Variants in GUCY1A2 observed in about 807,000 individuals in gnomAD.
GUCY1A2 encodes guanylate cyclase soluble subunit alpha-2.
A neutral mutation model predicts 63.5 loss-of-function variants in GUCY1A2; 27 were observed. That is an observed-to-expected ratio of 0.43 (90% CI 0.31 to 0.59). The LOEUF is 0.59. Among genes scored for constraint, GUCY1A2 ranks in the 20% least tolerant of loss-of-function variants. The probability of loss-of-function intolerance (pLI) is 0.11; values close to 1 mark genes in which losing one functional copy is unlikely to be tolerated. For missense variants in GUCY1A2, 768 were observed against 913.3 expected (o/e 0.84, Z 2.05); for synonymous variants, 364 against 343.5 (o/e 1.06, Z -0.66).
intron 5 of GUCY1A2, among the ~76,000 whole-genome samples, chr11:106,783,632 A>G (rs1019813479): frequency 1.3e-5 from 2 of 152,208 alleles, no homozygotes; most frequent in Non-Finnish European, 2.9e-5. Context: ...GATCCTTGCC[A>G]TGTGACTGGA....
chr11:106,681,699 A>G lies in GUCY1A2; in HGVS notation c.*5850T>C, dbSNP rs1862437028. ...TAATGAGTATCTTTAAAAAGTCCACACCAGCTATATTATTGCTTGTATAAA... is the reference window on the plus strand; with the variant it reads ...TAATGAGTATCTTTAAAAAGTCCACGCCAGCTATATTATTGCTTGTATAAA... On this transcript the variant is annotated 3_prime_UTR_variant, in exon 8 of 8. Transcript: ENST00000526355. The G allele has an allele frequency of 4.5e-6, 1 of 220,734 alleles. No individual in the cohort carries two copies. The highest frequency in any genetic ancestry group is 2.2e-5 in the African/African-American group (1 of 44,648). The allele number at this position is 220,734 out of a possible 1,614,324, so 13.7% of individuals were successfully genotyped here. A position where few individuals can be genotyped will look rare whatever the true frequency, so the allele number is the denominator to read the frequency against.
chr11:106,763,270 A>T (rs535430093), intron 6 of GUCY1A2, among the ~76,000 whole-genome samples: 1 of 152,118 alleles, frequency 6.6e-6, no homozygotes, highest in South Asian at 2.1e-4. Flanking sequence ...TTCTTAGGTA[A>T]TTCATGGAAA....
At chr11:106,716,768 C>CAAAAAAAA (rs56999589) in intron 6 of GUCY1A2, among the ~76,000 whole-genome samples, 1 of 55,300 alleles carries the variant, frequency 1.8e-5, no homozygotes, top group Admixed American at 2.7e-4. Flanking sequence ...GACTCCGTCT[C>CAAAAAAAA]AAAAAAAAAA....
intron 4 of GUCY1A2, among the ~76,000 whole-genome samples, chr11:106,823,766 G>A (rs1159106413): frequency 2.0e-5 from 3 of 152,082 alleles, no homozygotes; most frequent in African/African-American, 7.2e-5. Flanking sequence ...CATTCTGACT[G>A]GTGTATGATG....
chr11:106,836,441 GTC>G (rs1221847364), intron 4 of GUCY1A2, among the ~76,000 whole-genome samples: 3 of 151,820 alleles, frequency 2.0e-5, no homozygotes, highest in Non-Finnish European at 2.9e-5. Context: ...AAGATGAATC[GTC>G]TGTCTGAAAT....
At chr11:106,769,537 T>C (rs1457147201) in intron 6 of GUCY1A2, among the ~76,000 whole-genome samples, 1 of 152,144 alleles carries the variant, frequency 6.6e-6, no homozygotes, top group African/African-American at 2.4e-5. Flanking sequence ...ATATTAATAC[T>C]TTAAATAAAT....
chr11:106,889,397 T>C (rs903888905), intron 4 of GUCY1A2, among the ~76,000 whole-genome samples: 6 of 152,126 alleles, frequency 3.9e-5, no homozygotes, highest in African/African-American at 1.4e-4. Flanking sequence ...CTCATAAACT[T>C]CTGAAGAGAC....
At chr11:106,791,931 T>G (rs1205758911) in intron 5 of GUCY1A2, among the ~76,000 whole-genome samples, 1 of 152,042 alleles carries the variant, frequency 6.6e-6, no homozygotes, top group East Asian at 1.9e-4. Context: ...GAGGGACTCC[T>G]CCCTAACTCA....
At chr11:106,886,425 C>A (rs1006246478) in intron 4 of GUCY1A2, among the ~76,000 whole-genome samples, 12 of 152,050 alleles carry the variant, frequency 7.9e-5, no homozygotes, top group Admixed American at 2.6e-4. Context: ...CTACATATTT[C>A]TTTCTCATGA....
chr11:106,752,600 G>C (rs1863901577), intron 6 of GUCY1A2, among the ~76,000 whole-genome samples: 2 of 152,038 alleles, frequency 1.3e-5, no homozygotes, highest in African/African-American at 4.8e-5. Flanking sequence ...TTATGAGTGA[G>C]AATATGCAGT....
At chr11:106,716,768 C>CAAAAAAAAA (rs56999589) in intron 6 of GUCY1A2, among the ~76,000 whole-genome samples, 3 of 55,300 alleles carry the variant, frequency 5.4e-5, no homozygotes, top group African/African-American at 2.1e-4. Flanking sequence ...GACTCCGTCT[C>CAAAAAAAAA]AAAAAAAAAA....
intron 4 of GUCY1A2, among the ~76,000 whole-genome samples, chr11:106,835,625 C>A (rs556065719): frequency 2.0e-5 from 3 of 151,372 alleles, no homozygotes; most frequent in African/African-American, 7.3e-5. Flanking sequence ...CAGAATTAGA[C>A]GCTTAGTCAT....
At chr11:106,816,436 A>C (rs1858833211) in intron 4 of GUCY1A2, among the ~76,000 whole-genome samples, 1 of 151,892 alleles carries the variant, frequency 6.6e-6, no homozygotes. Context: ...TCAAAATGGA[A>C]ATACAGCATA....
At chr11:106,897,721 A>C (rs1429456138) in intron 4 of GUCY1A2, among the ~76,000 whole-genome samples, 2 of 152,110 alleles carry the variant, frequency 1.3e-5, no homozygotes, top group Admixed American at 1.3e-4. Flanking sequence ...AATGGATCAC[A>C]GACCAAATGT....
intron 4 of GUCY1A2, among the ~76,000 whole-genome samples, chr11:106,899,203 T>G (rs929895021): frequency 6.6e-6 from 1 of 151,910 alleles, no homozygotes; most frequent in Non-Finnish European, 1.5e-5. Flanking sequence ...AGAAATAACA[T>G]TAGGAAACAA....
At chr11:106,849,999 T>C (rs1859330135) in intron 4 of GUCY1A2, among the ~76,000 whole-genome samples, 1 of 151,756 alleles carries the variant, frequency 6.6e-6, no homozygotes, top group Non-Finnish European at 1.5e-5. Context: ...AATAGTTTCA[T>C]CACCCCACGA....
intron 5 of GUCY1A2, among the ~76,000 whole-genome samples, chr11:106,797,431 C>T (rs1864786426): frequency 6.6e-6 from 1 of 152,076 alleles, no homozygotes; most frequent in African/African-American, 2.4e-5. Context: ...CCAAGTGGAC[C>T]TAATAGACAT....
chr11:106,981,297 C>T (rs973604194), intron 2 of GUCY1A2, among the ~76,000 whole-genome samples: 4 of 152,010 alleles, frequency 2.6e-5, no homozygotes, highest in African/African-American at 9.6e-5. Flanking sequence ...TTAATTTCTC[C>T]TCAATTGTCA....
chr11:106,932,738 T>C (rs1221322651), intron 4 of GUCY1A2, among the ~76,000 whole-genome samples: 1 of 152,120 alleles, frequency 6.6e-6, no homozygotes, highest in Non-Finnish European at 1.5e-5. Flanking sequence ...AAGGTTACAA[T>C]AACCAAAATA....
Sources: allele counts gnomAD v4.1 joint callset (sites outside exome capture counted in the v4.1 genomes callset), GRCh38; gene constraint gnomAD v4.1.1; transcripts MANE v1.5; gene names NCBI Gene and HGNC (gene_info 2026-07-23, HGNC 2026-07-21).